The following PDGFRA variants were observed in gnomAD, a reference collection of about 807,000 sequenced individuals.
PDGFRA encodes the protein platelet derived growth factor receptor alpha.
PDGFRA carries 25 observed loss-of-function variants against 121.5 expected under a neutral mutation model. The observed-to-expected ratio is 0.21, with a 90% CI of 0.15 to 0.29. PDGFRA has a LOEUF of 0.29. Among genes scored for constraint, PDGFRA ranks in the 10% least tolerant of loss-of-function variants. The probability of loss-of-function intolerance (pLI) is 1.00; values close to 1 mark genes in which losing one functional copy is unlikely to be tolerated. For synonymous variants in PDGFRA, 463 were observed against 494.8 expected, an observed-to-expected ratio of 0.94 and a Z score of 0.85; for missense variants, 1,008 against 1,345.1, an observed-to-expected ratio of 0.75 and a Z score of 3.92.
chr4:54,287,563 T>G (rs1408061862), intron 19 of PDGFRA, 22 bp downstream of exon 19: 1 of 916,820 alleles, frequency 1.1e-6, no homozygotes, highest in Non-Finnish European at 1.8e-6. Context: ...ACATTGCTGC[T>G]TATTTGGGCT....
chr4:54,239,767 C>T (rs1038377052), intron 1 of PDGFRA, among the ~76,000 whole-genome samples: 3 of 152,152 alleles, frequency 2.0e-5, no homozygotes, highest in Non-Finnish European at 4.4e-5. Flanking sequence ...TGGCTGGCCA[C>T]ATCTTTTGCA....
At chr4:54,266,389 C>A (rs980123924) in intron 5 of PDGFRA, among the ~76,000 whole-genome samples, 2 of 149,334 alleles carry the variant, frequency 1.3e-5, no homozygotes, top group African/African-American at 4.9e-5. Context: ...ATTTGTATTT[C>A]TTTCTTTTTT....
rs1553906660 is a variant in PDGFRA, at chr4:54,290,495, T to A, written c.3063T>A (p.Pro1021=). The stretch of plus-strand genomic sequence containing the variant: ...GCGCTGACAGTGGCTACATCATTCC[T>A]CTGCCTGACATTGACCCTGTCCCTG... ...RLSADSGYII[P]LPDIDPVPEE... Residue 1021 remains proline, a synonymous_variant, in exon 22 of 23, where the codon CCT becomes CCA. Transcript: ENST00000257290. 1 of 1,614,046 alleles carries A rather than the reference T, an allele frequency of 6.2e-7. No homozygotes were observed. Among genetic ancestry groups the A allele is most frequent in the Non-Finnish European group, 8.5e-7 (1 of 1,179,880 alleles).
chr4:54,234,149 G>A (rs149793050), intron 1 of PDGFRA, among the ~76,000 whole-genome samples: 889 of 152,302 alleles, frequency 5.8e-3, no homozygotes, highest in Non-Finnish European at 9.5e-3. Context: ...CCGCTGCCCC[G>A]GCGCACCAGC....
intron 1 of PDGFRA, among the ~76,000 whole-genome samples, chr4:54,233,063 C>A (rs537318222): frequency 2.6e-4 from 39 of 152,268 alleles, no homozygotes; most frequent in East Asian, 5.8e-4. Context: ...CGCTCTCCCC[C>A]CTCTCTCCAC....
rs2110279726 is a variant in PDGFRA, at chr4:54,270,683, A to G, written c.1172A>G (p.His391Arg). The G allele has an allele frequency of 6.2e-7, 1 of 1,612,808 alleles. No individual in the cohort carries two copies. Among genetic ancestry groups the G allele is most frequent in the Non-Finnish European group, 8.5e-7 (1 of 1,178,842 alleles). ...LIRAKEEDSG[H>R]YTIVAQNEDA... ...CGTGCTAAGGAAGAAGACAGTGGCC[A>G]TTATACTATTGTAGCTCAAAATGAA... Residue 391 changes from histidine (H) to arginine (R), a missense_variant, in exon 8 of 23, where the codon CAT (histidine) becomes CGT (arginine). His to Arg is a conservative substitution (Grantham distance 29, BLOSUM62 0). This residue lies in a region of PDGFRA where 575 missense variants were observed against 701.8 expected (regional missense o/e 0.82). Transcript: ENST00000257290.
chr4:54,285,781 G>A lies in PDGFRA; in HGVS notation c.2440-60G>A, dbSNP rs1724324398. The A allele has an allele frequency of 2.7e-6, 4 of 1,485,032 alleles. No individual in the cohort carries two copies. In the South Asian group the frequency reaches 3.4e-5, roughly 13 times the overall value. The allele number at this position is 1,485,032 out of a possible 1,614,324, so 92.0% of individuals were successfully genotyped here. The stretch of plus-strand genomic sequence containing the variant: ...ACCATGGATCAGCCAGTCTTGCAGG[G>A]GTGATGCTATTCAGCTACAGATGGC... On this transcript the variant is annotated intron_variant, in intron 17 of 22. Coordinates refer to ENST00000257290, the MANE Select transcript of PDGFRA (RefSeq NM_006206.6).
intron 22 of PDGFRA, among the ~76,000 whole-genome samples, chr4:54,294,647 G>T (rs921688345): frequency 7.9e-5 from 12 of 152,116 alleles, no homozygotes; most frequent in African/African-American, 2.9e-4. Flanking sequence ...TGGTGGGGGG[G>T]CATTTGATGT....
chr4:54,237,003 C>T (rs556531265), intron 1 of PDGFRA, among the ~76,000 whole-genome samples: 1 of 152,008 alleles, frequency 6.6e-6, no homozygotes, highest in East Asian at 2.0e-4. Flanking sequence ...GAATCTTGCT[C>T]TGTCACCCAG....
Position 54,278,499 on chromosome 4 carries a change from G to A in PDGFRA, c.2140G>A (p.Asp714Asn), listed in dbSNP as rs2110316835. 1 of 1,614,060 alleles carries A rather than the reference G, an allele frequency of 6.2e-7. No individual in the cohort carries two copies. The highest frequency in any genetic ancestry group is 1.1e-5 in the South Asian group (1 of 91,076). Reference sequence around the variant, plus strand: ...GGATATCTTTGGATTGAACCCTGCTGATGAAAGCACACGGAGGTGGGTGCA... The same window carrying A: ...GGATATCTTTGGATTGAACCCTGCTAATGAAAGCACACGGAGGTGGGTGCA... ...ELDIFGLNPA[D>N]ESTRSYVILS... Residue 714 changes from aspartate (D) to asparagine (N), a missense_variant, in exon 15 of 23, where the codon GAT becomes AAT. Around this residue, in one of 5 missense-constraint regions of PDGFRA, gnomAD observed 128 missense variants for 147.6 expected, o/e 0.87. Coordinates refer to ENST00000257290, the MANE Select transcript of PDGFRA (RefSeq NM_006206.6).
intron 2 of PDGFRA, among the ~76,000 whole-genome samples, chr4:54,260,784 C>T (rs1180825061): frequency 6.6e-6 from 1 of 152,002 alleles, no homozygotes. Context: ...TGAGCCCGTG[C>T]CATCTTGGGA....
intron 22 of PDGFRA, 88 bp downstream of exon 22, chr4:54,290,642 C>A: frequency 6.9e-7 from 1 of 1,459,028 alleles, no homozygotes; most frequent in Non-Finnish European, 9.6e-7. Context: ...TAATGGTGCA[C>A]TCCCGGTTGG....
At chr4:54,288,626 G>A (rs113289635) in intron 19 of PDGFRA, among the ~76,000 whole-genome samples, 173 bp from the exon 20 acceptor site, 10 of 152,248 alleles carry the variant, frequency 6.6e-5, no homozygotes, top group Admixed American at 2.0e-4. Context: ...TAAACTTAAG[G>A]TTTGAGCTGG....
At chr4:54,284,315 C>A (rs1724205423) in intron 16 of PDGFRA, among the ~76,000 whole-genome samples, 1 of 152,166 alleles carries the variant, frequency 6.6e-6, no homozygotes, top group Non-Finnish European at 1.5e-5. Flanking sequence ...GCCTGTTACC[C>A]AGTTATCTTT....
chr4:54,234,502 CTTTATTT>C (rs937351579), intron 1 of PDGFRA, among the ~76,000 whole-genome samples: 4 of 152,126 alleles, frequency 2.6e-5, no homozygotes, highest in African/African-American at 4.8e-5. Context: ...TAGGAAGGTG[CTTTATTT>C]TTTATTTTTT....
chr4:54,270,834 GA>G, intron 8 of PDGFRA, 86 bp downstream of exon 8: 1 of 788,012 alleles, frequency 1.3e-6, no homozygotes, highest in Non-Finnish European at 2.3e-6. Context: ...CCCGGTCATG[GA>G]AGAAAAGCAG....
intron 16 of PDGFRA, among the ~76,000 whole-genome samples, chr4:54,284,844 C>CTGCATA (rs1261372843): frequency 1.7e-4 from 25 of 145,806 alleles, no homozygotes; most frequent in African/African-American, 6.3e-4. Context: ...ATATATGTTT[C>CTGCATA]TGCATATCTC....
At position 54,263,849 on chromosome 4, in the gene PDGFRA, G is replaced by A. The variant is rs1560469226; in HGVS notation, c.550G>A (p.Val184Ile). ...ACAGGGCTTTAATGGGACCTTCACT[G>A]TAGGGCCCTATATCTGTGAGGCCAC... ...SRQGFNGTFT[V>I]GPYICEATVK... Residue 184 changes from valine to isoleucine, a missense_variant, in exon 4 of 23, where the codon GTA becomes ATA. This residue lies in a region of PDGFRA where 575 missense variants were observed against 701.8 expected (regional missense o/e 0.82). Transcript: ENST00000257290. 2 of 1,613,994 alleles carry A rather than the reference G, an allele frequency of 1.2e-6. No homozygotes were observed. Among genetic ancestry groups the A allele is most frequent in the Non-Finnish European group, 1.7e-6 (2 of 1,179,922 alleles).
Position 54,274,866 on chromosome 4 carries a change from G to A in PDGFRA, c.1679G>A (p.Arg560Lys), listed in dbSNP as rs1723631222. ...AAACCGAGGTATGAAATTCGCTGGA[G>A]GGTCATTGAATCAATCAGCCCAGAT... ...KQKPRYEIRW[R>K]VIESISPDGH... Residue 560 changes from arginine to lysine, a missense_variant, in exon 12 of 23, where the codon AGG becomes AAG. By Grantham distance (26) the Arg-to-Lys change is conservative. Transcript: ENST00000257290. 1 of 1,614,064 alleles carries A rather than the reference G, an allele frequency of 6.2e-7. No homozygotes were observed. Among genetic ancestry groups the A allele is most frequent in the Non-Finnish European group, 8.5e-7 (1 of 1,179,948 alleles).
Sources: gnomAD v4.1 joint callset for allele counts (sites outside exome capture counted in the v4.1 genomes callset) on GRCh38, gnomAD v4.1.1 for gene constraint, gnomAD v4.1.1 regional missense constraint, MANE v1.5 for transcripts, NCBI Gene and HGNC (gene_info 2026-07-23, HGNC 2026-07-21) for gene names.